The following PLCG1 variants were observed in gnomAD, a reference collection of about 807,000 sequenced individuals.
The protein encoded by PLCG1 is 1-phosphatidylinositol 4,5-bisphosphate phosphodiesterase gamma-1.
PLCG1 carries 71 observed loss-of-function variants against 177.8 expected under a neutral mutation model. That is an observed-to-expected ratio of 0.40 (90% CI 0.33 to 0.49). The LOEUF is 0.49. Ranked by LOEUF, PLCG1 falls within the 20% of genes least tolerant of loss-of-function variation. PLCG1 has a pLI of 0.72. For synonymous variants in PLCG1, 658 were observed against 647.9 expected, an observed-to-expected ratio of 1.02 and a Z score of -0.24; for missense variants, 1,281 against 1,709.0, an observed-to-expected ratio of 0.75 and a Z score of 4.42.
In PLCG1 at chr20:41,159,688, G is replaced by A; in HGVS notation, c.300G>A (p.Arg100=). 1 of 1,614,208 alleles carries A rather than the reference G, an allele frequency of 6.2e-7. No individual in the cohort carries two copies. Among genetic ancestry groups the A allele is most frequent in the Middle Eastern group, 1.6e-4 (1 of 6,062 alleles). The part of the protein sequence containing the change: ...FDRYQEDPAF[R]PDQSHCFVIL... Reference sequence around the variant, plus strand: ...GCTATCAAGAGGACCCAGCTTTCCGGCCGGACCAGTCACATTGCTTTGTCA... The same window carrying A: ...GCTATCAAGAGGACCCAGCTTTCCGACCGGACCAGTCACATTGCTTTGTCA... The change falls in exon 2 of 32, where the codon CGG becomes CGA. Residue 100 remains arginine, a synonymous_variant. Coordinates refer to ENST00000685551, the MANE Select transcript of PLCG1 (RefSeq NM_002660.3). The surrounding 1 kb of genome is among the most constrained non-coding windows in gnomAD (Gnocchi z 6.0).
chr20:41,141,402 A>G (rs2034821255), intron 1 of PLCG1, among the ~76,000 whole-genome samples: 1 of 152,260 alleles, frequency 6.6e-6, no homozygotes, highest in Non-Finnish European at 1.5e-5. Flanking sequence ...GGAAGAAAAC[A>G]GCTAACTGCC....
Position 41,168,828 on chromosome 20 carries a change from A to G in PLCG1, c.2441A>G (p.Lys814Arg). The G allele has an allele frequency of 6.2e-7, 1 of 1,612,560 alleles. No homozygotes were observed. The highest frequency in any genetic ancestry group is 2.2e-5 in the East Asian group (1 of 44,868). Residue 814 changes from lysine (K) to arginine (R), a missense_variant, in exon 21 of 32, where the codon AAG becomes AGG. Coordinates refer to ENST00000685551, the MANE Select transcript of PLCG1 (RefSeq NM_002660.3). ...AGGGAGGACGAGCTGACCTTCATCA[A>G]GAGCGCCATCATCCAGAATGTGGAG... ...AQREDELTFI[K>R]SAIIQNVEKQ...
Position 41,170,268 on chromosome 20 carries a change from G to A in PLCG1, c.2807G>A (p.Arg936Lys). The change falls in exon 24 of 32, where the codon AGG becomes AAG. Residue 936 changes from arginine to lysine, a missense_variant and splice_region_variant. Around this residue, in one of 4 missense-constraint regions of PLCG1, gnomAD observed 723 missense variants for 1,030.0 expected, o/e 0.70. Coordinates refer to ENST00000685551, the MANE Select transcript of PLCG1 (RefSeq NM_002660.3). The part of the protein sequence containing the change: ...IREVAQTADA[R>K]LTEGKIMERR... Reference sequence around the variant, plus strand: ...GAAGTGGCCCAGACAGCAGACGCCAGGGTGAGATTCTGCTGGAACCTTCTG... The same window carrying A: ...GAAGTGGCCCAGACAGCAGACGCCAAGGTGAGATTCTGCTGGAACCTTCTG... 1 of 1,614,118 alleles carries A rather than the reference G, an allele frequency of 6.2e-7. No individual in the cohort carries two copies. The highest frequency in any genetic ancestry group is 8.5e-7 in the Non-Finnish European group (1 of 1,179,986).
At position 41,151,453 on chromosome 20, in the gene PLCG1, C is replaced by T. The variant is rs1262622588; in HGVS notation, c.218-8153C>T. Reference sequence around the variant, plus strand: ...ACAGTAATGGGAAGGACAGTAAGCCCCACCATCGCCTTCCCTTTGCCATAT... The same window carrying T: ...ACAGTAATGGGAAGGACAGTAAGCCTCACCATCGCCTTCCCTTTGCCATAT... On this transcript the variant is annotated intron_variant, in intron 1 of 31. Transcript: ENST00000685551. This position sits in a 1 kb window ranked among gnomAD's most constrained non-coding sequence, Gnocchi z 5.5. 6.6e-6 allele frequency among the ~76,000 whole-genome samples: 1 copy of T among 152,184 alleles called. No homozygotes were observed. Among genetic ancestry groups the T allele is most frequent in the Non-Finnish European group, 1.5e-5 (1 of 68,034 alleles).
At position 41,173,372 on chromosome 20, in the gene PLCG1, G is replaced by A. The variant is rs1167479381; in HGVS notation, c.3280-48G>A. Reference sequence around the variant, plus strand: ...GACTGAGCCTCCGCAGTGGGGAATTGGAGGGAGCAGGAAGGACAATCCCAG... The same window carrying A: ...GACTGAGCCTCCGCAGTGGGGAATTAGAGGGAGCAGGAAGGACAATCCCAG... On this transcript the variant is annotated intron_variant, in intron 27 of 31. Coordinates refer to ENST00000685551, the MANE Select transcript of PLCG1 (RefSeq NM_002660.3). The surrounding 1 kb of genome is among the most constrained non-coding windows in gnomAD (Gnocchi z 6.2). 1.3e-6 allele frequency: 2 copies of A among 1,499,390 alleles called. No homozygotes were observed. Among genetic ancestry groups the A allele is most frequent in the Non-Finnish European group, 1.8e-6 (2 of 1,121,306 alleles). The allele number at this position is 1,499,390 out of a possible 1,614,324, so 92.9% of individuals were successfully genotyped here. A position where few individuals can be genotyped will look rare whatever the true frequency, so the allele number is the denominator to read the frequency against.
chr20:41,161,104 A>G (rs2035480872), intron 4 of PLCG1, among the ~76,000 whole-genome samples: 1 of 152,122 alleles, frequency 6.6e-6, no homozygotes, highest in African/African-American at 2.4e-5. Flanking sequence ...CCTAGGGGGC[A>G]AGCAGACCAA....
Position 41,138,000 on chromosome 20 carries a change from C to A in PLCG1, c.217+142C>A, listed in dbSNP as rs370713097. ...CCAGACTCCCTCCGGGCCCCGCCCC[C>A]GCTTCGTCTCGGGTGGTCACTGGGG... On this transcript the variant is annotated intron_variant, in intron 1 of 31. Coordinates refer to ENST00000685551, the MANE Select transcript of PLCG1 (RefSeq NM_002660.3). This position sits in a 1 kb window ranked among gnomAD's most constrained non-coding sequence, Gnocchi z 7.3. The A allele has an allele frequency of 9.9e-6, 5 of 505,644 alleles. No individual in the cohort carries two copies. The South Asian group carries it at 5.3e-4, about 54-fold the overall frequency. The allele number at this position is 505,644 out of a possible 1,614,324, so 31.3% of individuals were successfully genotyped here.
chr20:41,139,334 A>G (rs941997416), intron 1 of PLCG1, among the ~76,000 whole-genome samples: 4 of 152,200 alleles, frequency 2.6e-5, no homozygotes, highest in African/African-American at 9.7e-5. Context: ...CCCTGGGAAC[A>G]TCACTCAGGC....
Position 41,141,534 on chromosome 20 carries a change from C to T in PLCG1, c.217+3676C>T, listed in dbSNP as rs544219987. Among the ~76,000 whole-genome samples, 4 of 152,318 alleles carry T rather than the reference C, an allele frequency of 2.6e-5. No homozygotes were observed. In the South Asian group the frequency reaches 6.2e-4, roughly 24 times the overall value. On this transcript the variant is annotated intron_variant, in intron 1 of 31. Coordinates refer to ENST00000685551, the MANE Select transcript of PLCG1 (RefSeq NM_002660.3). The stretch of plus-strand genomic sequence containing the variant: ...TGCTCCGAGGGCTAGGCCCACAGCA[C>T]GGGAGAGGGCAAGGCCCAGGCCGGT...
At chr20:41,168,412 T>C (rs897819746) in intron 20 of PLCG1, among the ~76,000 whole-genome samples, 8 of 152,170 alleles carry the variant, frequency 5.3e-5, no homozygotes, top group Non-Finnish European at 1.2e-4. Context: ...TGCTTCCAGG[T>C]CCCGGGGAGG....
At chr20:41,140,376 T>C (rs1441065437) in intron 1 of PLCG1, among the ~76,000 whole-genome samples, 1 of 152,064 alleles carries the variant, frequency 6.6e-6, no homozygotes, top group African/African-American at 2.4e-5. Context: ...TCTGAGGAGG[T>C]TGGACTGCCA....
chr20:41,141,505 G>A (rs914097685), intron 1 of PLCG1, among the ~76,000 whole-genome samples: 3 of 152,240 alleles, frequency 2.0e-5, no homozygotes, highest in African/African-American at 7.2e-5. Flanking sequence ...CACACCAGGA[G>A]GCCTGCTCCG....
rs999661900 is a variant in PLCG1, at chr20:41,162,320, C to T, written c.513-132C>T. The T allele has an allele frequency of 3.1e-5, 16 of 513,420 alleles. No homozygotes were observed. In the East Asian group the frequency reaches 6.3e-4, roughly 20 times the overall value. 31.8% of individuals were successfully genotyped at this position (513,420 alleles called of 1,614,324 possible). ...TAACCTCACCCCATGGGTTCTGATCCAGTCTTGCCCTCAGGCCTCCAGGTT... is the reference window on the plus strand; with the variant it reads ...TAACCTCACCCCATGGGTTCTGATCTAGTCTTGCCCTCAGGCCTCCAGGTT... On this transcript the variant is annotated intron_variant, in intron 4 of 31. Transcript: ENST00000685551.
At chr20:41,169,343 C>A in intron 22 of PLCG1, 114 bp from the exon 23 acceptor site, 2 of 969,078 alleles carry the variant, frequency 2.1e-6, no homozygotes, top group Non-Finnish European at 1.7e-6. Context: ...ACCTGTGCTA[C>A]ATTTGGCAGT....
At position 41,166,011 on chromosome 20, in the gene PLCG1, CTT is replaced by C. The variant is rs2035678681; in HGVS notation, c.1800-180_1800-179del. On this transcript the variant is annotated intron_variant, in intron 16 of 31. Transcript: ENST00000685551. The surrounding 1 kb of genome is among the most constrained non-coding windows in gnomAD (Gnocchi z 8.6). ...TCTCACCCCCCCCCCATACCCCTCC[CTT>C]TTCGGTTCATTTGAAGCCCACACCT... Among the ~76,000 whole-genome samples, 4 of 149,764 alleles carry C rather than the reference CTT, an allele frequency of 2.7e-5. No individual in the cohort carries two copies. Among genetic ancestry groups the C allele is most frequent in the Admixed American group, 2.7e-4 (4 of 15,080 alleles).
intron 4 of PLCG1, chr20:41,162,229 G>GTTGTTGTTTTT (rs2035523858): frequency 3.6e-6 from 1 of 276,990 alleles, no homozygotes; most frequent in Non-Finnish European, 6.3e-6. Flanking sequence ...TGTTTGTTTT[G>GTTGTTGTTTTT]TTTTTGTTTT....
At chr20:41,152,287 T>C (rs1188187396) in intron 1 of PLCG1, among the ~76,000 whole-genome samples, 4 of 152,234 alleles carry the variant, frequency 2.6e-5, no homozygotes, top group African/African-American at 9.6e-5. Context: ...AGGGCGTGGG[T>C]GCTCGGCATC....
At position 41,163,884 on chromosome 20, in the gene PLCG1, T is replaced by G; in HGVS notation, c.1011-37T>G. 1.2e-6 allele frequency: 2 copies of G among 1,611,324 alleles called. No homozygotes were observed. Among genetic ancestry groups the G allele is most frequent in the Non-Finnish European group, 1.7e-6 (2 of 1,177,518 alleles). On this transcript the variant is annotated intron_variant, in intron 10 of 31. Transcript: ENST00000685551. This position sits in a 1 kb window ranked among gnomAD's most constrained non-coding sequence, Gnocchi z 5.2. ...CCAGCTTCTTCCCCAGGAGGGCCCA[T>G]CTGACCATACCTACCTGCCTCTCCT...
rs1162444127 is a variant in PLCG1 at position 41,157,229 on chromosome 20, TG to T, written c.218-2376del. On this transcript the variant is annotated intron_variant, in intron 1 of 31. Coordinates refer to ENST00000685551, the MANE Select transcript of PLCG1 (RefSeq NM_002660.3). The surrounding 1 kb of genome is among the most constrained non-coding windows in gnomAD (Gnocchi z 5.4). ...CTGTGTGTGTGTGTGTGTGTGTGTG[TG>T]TGTGTGTGTGTACAGTCACACTCAC... Among the ~76,000 whole-genome samples, 2 of 151,212 alleles carry T rather than the reference TG, an allele frequency of 1.3e-5. No individual in the cohort carries two copies. Among genetic ancestry groups the T allele is most frequent in the Admixed American group, 1.3e-4 (2 of 15,186 alleles).
Sources: gnomAD v4.1 joint callset for allele counts (sites outside exome capture counted in the v4.1 genomes callset) on GRCh38, gnomAD v4.1.1 for gene constraint, gnomAD v4.1.1 regional missense constraint, Gnocchi (gnomAD v3.1) non-coding constraint, MANE v1.5 for transcripts, NCBI Gene and HGNC (gene_info 2026-07-23, HGNC 2026-07-21) for gene names.